The following LRRC37A3 variants were observed in gnomAD, a reference collection of about 807,000 sequenced individuals.
LRRC37A3 encodes leucine rich repeat containing 37 member A3.
Under a neutral mutation model 106.2 loss-of-function variants are expected in LRRC37A3, and 25 were observed. That is an observed-to-expected ratio of 0.24 (90% CI 0.17 to 0.33). The LOEUF is 0.33. LRRC37A3 is among the 10% of genes least tolerant of loss of function. The pLI is 1.00. For synonymous variants in LRRC37A3, 305 were observed against 635.8 expected, an observed-to-expected ratio of 0.48 and a Z score of 7.83; for missense variants, 712 against 1,644.9, an observed-to-expected ratio of 0.43 and a Z score of 9.81.
At chr17:64,877,233 A>C (rs1414004564) in intron 8 of LRRC37A3, among the ~76,000 whole-genome samples, 2 of 151,772 alleles carry the variant, frequency 1.3e-5, no homozygotes, top group Non-Finnish European at 2.9e-5. Flanking sequence ...TTGGAGTCTC[A>C]CTCTGTTGCC....
intron 10 of LRRC37A3, chr17:64,863,324 A>C (rs1184680172): frequency 1.3e-5 from 5 of 383,396 alleles, no homozygotes; most frequent in African/African-American, 2.1e-5. Flanking sequence ...CTGAAAGTAC[A>C]GAGGAAGAAG....
intron 4 of LRRC37A3, among the ~76,000 whole-genome samples, chr17:64,894,054 G>A (rs1371810538): frequency 2.1e-5 from 3 of 140,222 alleles, no homozygotes; most frequent in Non-Finnish European, 4.5e-5. Flanking sequence ...ACAAAAATGA[G>A]TTCTGGACAA....
At chr17:64,866,658 T>A (rs531991458) in intron 10 of LRRC37A3, among the ~76,000 whole-genome samples, 2 of 104,198 alleles carry the variant, frequency 1.9e-5, no homozygotes, top group Non-Finnish European at 3.8e-5. Context: ...TTAGACAGGG[T>A]CTTGCTCTGT....
At chr17:64,892,255 T>TG (rs1454374422) in intron 5 of LRRC37A3, among the ~76,000 whole-genome samples, 2 of 1,998 alleles carry the variant, frequency 1.0e-3, no homozygotes, top group Non-Finnish European at 1.6e-3. Context: ...ACCCTGTCTC[T>TG]GAAAAAAAAA....
intron 2 of LRRC37A3, chr17:64,901,313 C>T (rs1246971451): frequency 3.3e-5 from 5 of 151,156 alleles, no homozygotes; most frequent in Non-Finnish European, 7.3e-5. Context: ...AAAGGTAAGG[C>T]ACCAGGTGGG....
chr17:64,860,505 A>AT lies in LRRC37A3; in HGVS notation c.3640_3641insA (p.Leu1214HisfsTer11). The AT allele has an allele frequency of 1.9e-6, 3 of 1,613,020 alleles. No homozygotes were observed. The highest frequency in any genetic ancestry group is 2.5e-6 in the Non-Finnish European group (3 of 1,179,854). On this transcript the variant is annotated frameshift_variant, in exon 12 of 15. Transcript: ENST00000584306. LOFTEE classifies it high-confidence loss of function. ...CCCCTGCTGTGTGTGAGGCTGTTTC[A>AT]GCTCCCTTGGGGCTGGACTTCCGAG...
At chr17:64,870,257 T>C (rs1188982661) in intron 8 of LRRC37A3, among the ~76,000 whole-genome samples, 1 of 151,938 alleles carries the variant, frequency 6.6e-6, no homozygotes, top group Non-Finnish European at 1.5e-5. Context: ...TGCCCTGTCA[T>C]CCCCGTGCCT....
Position 64,854,491 on chromosome 17 carries a change from G to A in LRRC37A3, c.*108C>T, listed in dbSNP as rs572076668. 4.5e-5 allele frequency: 69 copies of A among 1,521,100 alleles called. 1 individual carries two copies. The East Asian group carries it at 5.2e-4, about 11-fold the overall frequency. The allele number at this position is 1,521,100 out of a possible 1,614,324, so 94.2% of individuals were successfully genotyped here. On this transcript the variant is annotated 3_prime_UTR_variant, in exon 15 of 15. Transcript: ENST00000584306. ...CGATGGCCCTGTGCTTGCTCTGCCC[G>A]CTGCCTCTGTGGATGTGTGGGCCGC...
intron 2 of LRRC37A3, among the ~76,000 whole-genome samples, chr17:64,914,343 G>A (rs1466557706): frequency 2.0e-5 from 3 of 152,208 alleles, no homozygotes; most frequent in Non-Finnish European, 2.9e-5. Flanking sequence ...TGAATCACCC[G>A]AGGTCAGGAG....
In LRRC37A3 at chr17:64,858,885, TA is replaced by T. The variant is rs540207138; in HGVS notation, c.4705-3del. ...ATATCCTGGAAGTTCTTTTGTGAAC[TA>T]AAAAAAAAAAAACCAGAATGAGAGC... is the stretch of plus-strand genomic sequence containing the variant. On this transcript the variant is annotated splice_polypyrimidine_tract_variant and splice_region_variant and intron_variant, in intron 12 of 14. Transcript: ENST00000584306. 148,079 of 1,137,086 alleles carry T rather than the reference TA, an allele frequency of 0.13. No individual in the cohort carries two copies. Among genetic ancestry groups the T allele is most frequent in the East Asian group, 0.15 (4,639 of 30,800 alleles). The allele number at this position is 1,137,086 out of a possible 1,614,324, so 70.4% of individuals were successfully genotyped here. A position where few individuals can be genotyped will look rare whatever the true frequency, so the allele number is the denominator to read the frequency against.
At chr17:64,856,641 G>A (rs964603038) in intron 13 of LRRC37A3, among the ~76,000 whole-genome samples, 3 of 149,380 alleles carry the variant, frequency 2.0e-5, no homozygotes, top group African/African-American at 5.0e-5. Context: ...TGATGAAGAG[G>A]GCTGACTGTA....
chr17:64,859,991 G>C lies in LRRC37A3; in HGVS notation c.4155C>G (p.Asn1385Lys). The C allele has an allele frequency of 6.2e-7, 1 of 1,613,576 alleles. No individual in the cohort carries two copies. Among genetic ancestry groups the C allele is most frequent in the South Asian group, 1.1e-5 (1 of 91,072 alleles). ...VSAPSEHFIENNNTKDTTARN... is the reference protein window; with the variant it reads ...VSAPSEHFIEKNNTKDTTARN... Reference sequence around the variant, plus strand: ...TTGCAGTTGTGTCTTTTGTATTATTGTTTTCTATAAAATGTTCTGAAGGAG... The same window carrying C: ...TTGCAGTTGTGTCTTTTGTATTATTCTTTTCTATAAAATGTTCTGAAGGAG... Residue 1385 changes from asparagine to lysine, a missense_variant, in exon 12 of 15, where the codon AAC becomes AAG. Physicochemically the swap from Asn to Lys is moderately conservative, Grantham distance 94 (BLOSUM62 0). Coordinates refer to ENST00000584306, the MANE Select transcript of LRRC37A3 (RefSeq NM_199340.5).
chr17:64,877,455 G>A (rs1973551312), intron 8 of LRRC37A3, among the ~76,000 whole-genome samples: 1 of 152,132 alleles, frequency 6.6e-6, no homozygotes, highest in African/African-American at 2.4e-5. Flanking sequence ...GCCTGCCTCA[G>A]CCTCCCAAAG....
intron 10 of LRRC37A3, chr17:64,863,377 TC>T (rs1972942047): frequency 3.9e-6 from 1 of 256,870 alleles, no homozygotes; most frequent in Admixed American, 5.1e-5. Flanking sequence ...ACTTCCGGAG[TC>T]CCTTTCTCAA....
At chr17:64,863,077 A>G in intron 10 of LRRC37A3, 59 bp from the exon 11 acceptor site, 1 of 1,587,760 alleles carries the variant, frequency 6.3e-7, no homozygotes, top group Non-Finnish European at 8.5e-7. Context: ...GAGTAGGTAA[A>G]GGAGGCAGCC....
Position 64,894,854 on chromosome 17 carries a change from C to A in LRRC37A3, c.2404G>T (p.Asp802Tyr), listed in dbSNP as rs200247768. ...GPPTELEPAQ[D>Y]SLVQSESYTQ... ...TAACTTTCAGACTGCACCAGTGAAT[C>A]CTGAGCAGGTTCTAGTTCAGTAGGT... Residue 802 changes from aspartate (D) to tyrosine (Y), a missense_variant, in exon 4 of 15, where the codon GAT (aspartate) becomes TAT (tyrosine). Asp to Tyr is a radical substitution (Grantham distance 160). Transcript: ENST00000584306. 4 of 1,297,566 alleles carry A rather than the reference C, an allele frequency of 3.1e-6. No homozygotes were observed. Among genetic ancestry groups the A allele is most frequent in the Non-Finnish European group, 4.2e-6 (4 of 957,646 alleles). 80.4% of individuals were successfully genotyped at this position (1,297,566 alleles called of 1,614,324 possible). A position where few individuals can be genotyped will look rare whatever the true frequency, so the allele number is the denominator to read the frequency against.
At chr17:64,865,777 G>A (rs559730097) in intron 10 of LRRC37A3, among the ~76,000 whole-genome samples, 4 of 152,216 alleles carry the variant, frequency 2.6e-5, no homozygotes, top group South Asian at 4.1e-4. Context: ...TCTACTATGC[G>A]GTCCGTATAC....
chr17:64,868,795 CT>C (rs1488077319), intron 9 of LRRC37A3, among the ~76,000 whole-genome samples: 2 of 151,684 alleles, frequency 1.3e-5, no homozygotes, highest in Admixed American at 1.3e-4. Context: ...TTACTCTTTT[CT>C]TTATTTTTAG....
chr17:64,858,988 CTG>C (rs1243784324), intron 12 of LRRC37A3, 105 bp from the exon 13 acceptor site: 1 of 798,464 alleles, frequency 1.3e-6, no homozygotes, highest in African/African-American at 1.8e-5. Flanking sequence ...GGGTCTCACT[CTG>C]TCACCCAGGC....
Sources: allele counts gnomAD v4.1 joint callset (sites outside exome capture counted in the v4.1 genomes callset), GRCh38; gene constraint gnomAD v4.1.1; transcripts MANE v1.5; gene names NCBI Gene and HGNC (gene_info 2026-07-23, HGNC 2026-07-21).